The following SASH1 variants were observed in gnomAD, a reference collection of about 807,000 sequenced individuals.
The protein encoded by SASH1 is SAM and SH3 domain-containing protein 1.
A neutral mutation model predicts 125.2 loss-of-function variants in SASH1; 44 were observed. The ratio of observed to expected loss-of-function variants is 0.35; its 90% CI spans 0.28 to 0.45. The LOEUF is 0.45. SASH1 is among the 20% of genes least tolerant of loss of function. SASH1 has a pLI of 1.00. For synonymous variants in SASH1, 639 were observed against 649.1 expected, an observed-to-expected ratio of 0.98 and a Z score of 0.24; for missense variants, 1,426 against 1,614.5, an observed-to-expected ratio of 0.88 and a Z score of 2.00.
At chr6:148,223,083 G>A in the SASH1 span, among the ~76,000 whole-genome samples, 1 of 152,318 alleles carries the variant, frequency 6.6e-6, no homozygotes, top group Middle Eastern at 3.4e-3. Flanking sequence ...GGATGATGCT[G>A]AGAACTCTCT....
chr6:148,508,785 A>G, intron 8 of SASH1: 2 of 1,197,408 alleles, frequency 1.7e-6, no homozygotes, highest in Non-Finnish European at 2.2e-6. Context: ...GTTTGATGCT[A>G]CAAGAGTGAA....
the SASH1 span, among the ~76,000 whole-genome samples, chr6:148,263,321 G>A: frequency 3.3e-5 from 5 of 152,198 alleles, no homozygotes; most frequent in Admixed American, 6.5e-5. Flanking sequence ...TTCTGAACTC[G>A]TGTCCTGGGG....
chr6:148,528,180 C>T (rs1352358948), intron 12 of SASH1, among the ~76,000 whole-genome samples: 1 of 152,078 alleles, frequency 6.6e-6, no homozygotes, highest in Non-Finnish European at 1.5e-5. Context: ...TGATTTTTCC[C>T]CCCTGGATCT....
At chr6:148,320,064 G>T (rs1582960175) in intron 1 of SASH1, among the ~76,000 whole-genome samples, 1 of 152,168 alleles carries the variant, frequency 6.6e-6, no homozygotes, top group African/African-American at 2.4e-5. Context: ...GGTTATAATT[G>T]TTCTATTTTA....
the SASH1 span, among the ~76,000 whole-genome samples, chr6:148,205,182 G>A: frequency 6.6e-6 from 1 of 152,020 alleles, no homozygotes; most frequent in Non-Finnish European, 1.5e-5. Context: ...CATTCGCCTC[G>A]CTCGGCAACA....
chr6:148,534,707 C>G (rs764108715), intron 15 of SASH1, 44 bp from the exon 16 acceptor site: 2 of 1,608,594 alleles, frequency 1.2e-6, no homozygotes, highest in Non-Finnish European at 1.7e-6. Context: ...TATCATGTGT[C>G]TGGGCTGGCT....
chr6:148,440,646 A>G (rs1776506836), intron 4 of SASH1: 1 of 530,738 alleles, frequency 1.9e-6, no homozygotes, highest in African/African-American at 1.9e-5. Context: ...TATTGTGAAT[A>G]AACCCTAAAT....
intron 2 of SASH1, among the ~76,000 whole-genome samples, chr6:148,423,235 C>T (rs989735985): frequency 6.6e-6 from 1 of 152,220 alleles, no homozygotes; most frequent in African/African-American, 2.4e-5. Context: ...CCGCGCCCAG[C>T]CCCATGTGTT....
chr6:148,207,131 G>C, the SASH1 span, among the ~76,000 whole-genome samples: 3 of 152,164 alleles, frequency 2.0e-5, no homozygotes, highest in East Asian at 5.8e-4. Context: ...CCTGGGAACA[G>C]CACTATCTGT....
intron 1 of SASH1, among the ~76,000 whole-genome samples, chr6:148,288,444 A>G (rs141193599): frequency 6.6e-6 from 1 of 152,370 alleles, no homozygotes; most frequent in Non-Finnish European, 1.5e-5. Flanking sequence ...ATTCAGTATA[A>G]TTAAAAATAT....
At chr6:148,275,394 T>G (rs1779157722) in intron 1 of SASH1, among the ~76,000 whole-genome samples, 1 of 152,218 alleles carries the variant, frequency 6.6e-6, no homozygotes, top group Non-Finnish European at 1.5e-5. Flanking sequence ...ATTATTTGTA[T>G]GTACTTTTCC....
intron 2 of SASH1, among the ~76,000 whole-genome samples, chr6:148,419,394 A>G (rs553962688): frequency 6.6e-6 from 1 of 152,354 alleles, no homozygotes; most frequent in South Asian, 2.1e-4. Context: ...AGGGCATGAC[A>G]GAGAAAATGT....
chr6:148,432,078 C>T (rs984451975), intron 2 of SASH1, among the ~76,000 whole-genome samples: 1 of 151,532 alleles, frequency 6.6e-6, no homozygotes, highest in Non-Finnish European at 1.5e-5. Flanking sequence ...TGGGTTCAAG[C>T]GATTCTGATG....
In SASH1 at chr6:148,277,778, G is replaced by A. The variant is rs150054092; in HGVS notation, n.74+5401G>A. Among the ~76,000 whole-genome samples, 1,120 of 150,572 alleles carry A rather than the reference G, an allele frequency of 7.4e-3. 20 individuals are homozygous for A. The highest frequency in any genetic ancestry group is 0.026 in the African/African-American group (1,081 of 40,854). ...GTCACCCAGGCTGGAGTACAGTGGC[G>A]TGATCTCAGCTCACTGCAAGCTCCG... On this transcript the variant is annotated intron_variant and non_coding_transcript_variant, in intron 1 of 3. Coordinates refer to the SASH1 transcript ENST00000367469.
intron 2 of SASH1, among the ~76,000 whole-genome samples, chr6:148,412,472 C>T (rs553962768): frequency 6.6e-6 from 1 of 152,154 alleles, no homozygotes; most frequent in Non-Finnish European, 1.5e-5. Context: ...CGTTTTTCAA[C>T]TTAGAATTTG....
chr6:148,485,065 C>T (rs1352135099), intron 7 of SASH1, among the ~76,000 whole-genome samples: 1 of 136,494 alleles, frequency 7.3e-6, no homozygotes, highest in Non-Finnish European at 1.7e-5. Context: ...GAGCATACAG[C>T]AGGAAAAAAA....
At chr6:148,513,704 A>AATGCAGGGTCTGTCCTCACATTCGC (rs1780277187) in intron 8 of SASH1, 1 of 985,640 alleles carries the variant, frequency 1.0e-6, no homozygotes, top group African/African-American at 1.7e-5. Flanking sequence ...CTCTTGGAGG[A>AATGCAGGGTCTGTCCTCACATTCGC]ATGCAGGGTC....
Position 148,390,127 on chromosome 6 carries a change from C to A in SASH1, c.157-7C>A. On this transcript the variant is annotated splice_region_variant and splice_polypyrimidine_tract_variant and intron_variant, in intron 1 of 19. Coordinates refer to ENST00000367467, the MANE Select transcript of SASH1 (RefSeq NM_015278.5). ...ACCTGACCGCCTTTGTTTGTCCACC[C>A]CTTCAGGACGGTTCACTGGGAAACA... The A allele has an allele frequency of 1.9e-6, 3 of 1,612,432 alleles. No individual in the cohort carries two copies. Among genetic ancestry groups the A allele is most frequent in the East Asian group, 2.2e-5 (1 of 44,800 alleles).
At chr6:148,462,731 TTCTG>T (rs2115086786) in intron 4 of SASH1, among the ~76,000 whole-genome samples, 1 of 152,308 alleles carries the variant, frequency 6.6e-6, no homozygotes, top group South Asian at 2.1e-4. Context: ...GGTATCCCCT[TTCTG>T]TCTATCCCTT....
Sources: allele counts gnomAD v4.1 joint callset (sites outside exome capture counted in the v4.1 genomes callset), GRCh38; gene constraint gnomAD v4.1.1; transcripts MANE v1.5; gene names NCBI Gene and HGNC (gene_info 2026-07-23, HGNC 2026-07-21).